SH3PXD2B: variants seen among roughly 807,000 people sequenced by gnomAD.
SH3PXD2B encodes the protein SH3 and PX domain-containing protein 2B.
SH3PXD2B carries 37 observed loss-of-function variants against 73.1 expected under a neutral mutation model. That is an observed-to-expected ratio of 0.51 (90% CI 0.39 to 0.67). The LOEUF (loss-of-function observed/expected upper bound fraction) is 0.67, where lower values mean the gene tolerates loss of function less well. Ranked by LOEUF, SH3PXD2B falls within the 30% of genes least tolerant of loss-of-function variation. The pLI, the probability that SH3PXD2B is intolerant of heterozygous loss-of-function variation, is 0.00. For synonymous variants in SH3PXD2B, 457 were observed against 480.5 expected, an observed-to-expected ratio of 0.95 and a Z score of 0.64; for missense variants, 1,053 against 1,197.8, an observed-to-expected ratio of 0.88 and a Z score of 1.78.
At chr5:172,348,642 C>CTTATCT (rs1757056916) in intron 10 of SH3PXD2B, among the ~76,000 whole-genome samples, 5 of 67,502 alleles carry the variant, frequency 7.4e-5, no homozygotes, top group South Asian at 8.1e-4. Context: ...ATCTATGTAT[C>CTTATCT]TATCTATCTA....
At chr5:172,443,358 A>G (rs950381071) in intron 1 of SH3PXD2B, among the ~76,000 whole-genome samples, 22 of 152,226 alleles carry the variant, frequency 1.4e-4, no homozygotes, top group Non-Finnish European at 2.2e-4. Context: ...AGTGAAAATT[A>G]AGATTTAATT....
chr5:172,331,649 G>A (rs141667791), downstream of SH3PXD2B, among the ~76,000 whole-genome samples: 289 of 152,256 alleles, frequency 1.9e-3, 3 homozygotes, highest in African/African-American at 6.6e-3. Flanking sequence ...CATGTTTGGC[G>A]TGGTTAAAAC....
At chr5:172,355,544 TTTTC>T (rs1259482688) in intron 8 of SH3PXD2B, among the ~76,000 whole-genome samples, 3 of 93,958 alleles carry the variant, frequency 3.2e-5, no homozygotes, top group Admixed American at 9.8e-5. Context: ...ATGGATTTTC[TTTTC>T]TTTTTTTTTT....
chr5:172,427,258 G>T lies in SH3PXD2B; in HGVS notation c.76-4762C>A, dbSNP rs146012971. Among the ~76,000 whole-genome samples, 195 of 152,328 alleles carry T rather than the reference G, an allele frequency of 1.3e-3. 1 individual carries two copies. Among genetic ancestry groups the T allele is most frequent in the African/African-American group, 4.5e-3 (187 of 41,582 alleles). On this transcript the variant is annotated intron_variant, in intron 1 of 12. Coordinates refer to ENST00000311601, the MANE Select transcript of SH3PXD2B (RefSeq NM_001017995.3). ...AGCCGGTCACAATAGAACAAATACT[G>T]TATGATTACAGGAGGTACCTGGAGT... is the stretch of plus-strand genomic sequence containing the variant.
Position 172,335,785 on chromosome 5 carries a change from T to C in SH3PXD2B, c.*2584A>G. On this transcript the variant is annotated 3_prime_UTR_variant, in exon 13 of 13. Coordinates refer to ENST00000311601, the MANE Select transcript of SH3PXD2B (RefSeq NM_001017995.3). Reference sequence around the variant, plus strand: ...TGACTGGCCACCCTGACCCACCCACTGCCTGGGGAAGTGTCTACCATTGTA... The same window carrying C: ...TGACTGGCCACCCTGACCCACCCACCGCCTGGGGAAGTGTCTACCATTGTA... 18 of 1,230,246 alleles carry C rather than the reference T, an allele frequency of 1.5e-5. No homozygotes were observed. The highest frequency in any genetic ancestry group is 1.8e-5 in the Non-Finnish European group (18 of 987,578). 76.2% of individuals were successfully genotyped at this position (1,230,246 alleles called of 1,614,324 possible).
At chr5:172,443,953 CCTTT>C (rs769911348) in intron 1 of SH3PXD2B, among the ~76,000 whole-genome samples, 9 of 152,378 alleles carry the variant, frequency 5.9e-5, no homozygotes, top group East Asian at 5.8e-4. Flanking sequence ...AACTGCTTCA[CCTTT>C]CTAAGCCTCA....
intron 4 of SH3PXD2B, among the ~76,000 whole-genome samples, chr5:172,386,747 C>T (rs1758068488): frequency 6.6e-6 from 1 of 152,104 alleles, no homozygotes; most frequent in Non-Finnish European, 1.5e-5. Flanking sequence ...CCCACCTCAG[C>T]CTCCTGAGTA....
chr5:172,325,296 C>T, exon 13 of SH3PXD2B: 3 of 1,535,080 alleles, frequency 2.0e-6, no homozygotes, highest in Non-Finnish European at 2.6e-6. Flanking sequence ...ATGGAAGCTG[C>T]CACGTGCTTC....
At chr5:172,367,931 A>G (rs1310741272) in intron 6 of SH3PXD2B, among the ~76,000 whole-genome samples, 9 of 152,182 alleles carry the variant, frequency 5.9e-5, no homozygotes, top group Admixed American at 5.9e-4. Flanking sequence ...TGAACAATCT[A>G]TCACTCCTGG....
Position 172,339,790 on chromosome 5 carries a change from G to A in SH3PXD2B, c.1315C>T (p.Pro439Ser). ...SNASRPNFLAPLPHEVTQLRL... is the reference protein window; with the variant it reads ...SNASRPNFLASLPHEVTQLRL... ...AGCTGGGTCACCTCGTGGGGCAGGG[G>A]AGCCAGAAAGTTGGGTCTCGACGCG... Residue 439 changes from proline to serine, a missense_variant, in exon 13 of 13, where the codon CCC (proline) becomes TCC (serine). Around this residue, in one of 2 missense-constraint regions of SH3PXD2B, gnomAD observed 466 missense variants for 607.1 expected, o/e 0.77. Transcript: ENST00000311601. This position sits in a 1 kb window ranked among gnomAD's most constrained non-coding sequence, Gnocchi z 6.1. 16 of 1,613,270 alleles carry A rather than the reference G, an allele frequency of 9.9e-6. No individual in the cohort carries two copies. The highest frequency in any genetic ancestry group is 1.3e-5 in the Non-Finnish European group (15 of 1,179,214).
chr5:172,365,838 C>CTA (rs1335549403), intron 6 of SH3PXD2B, among the ~76,000 whole-genome samples: 1 of 147,160 alleles, frequency 6.8e-6, no homozygotes, highest in Non-Finnish European at 1.5e-5. Flanking sequence ...AGATTCTTGA[C>CTA]TACCTGTGTC....
intron 12 of SH3PXD2B, among the ~76,000 whole-genome samples, chr5:172,345,110 AAGGGAAGGAAGG>A (rs796850536): frequency 2.1e-5 from 3 of 140,256 alleles, no homozygotes; most frequent in African/African-American, 3.0e-5. Flanking sequence ...GGGAAGGAAG[AAGGGAAGGAAGG>A]AGGGAAGGAA....
At chr5:172,450,340 G>A (rs538734087) in intron 1 of SH3PXD2B, among the ~76,000 whole-genome samples, 1 of 152,142 alleles carries the variant, frequency 6.6e-6, no homozygotes, top group East Asian at 1.9e-4. Context: ...GAGGGCGTCC[G>A]GGGGGTTTGC....
At chr5:172,377,305 G>A (rs1222580114) in intron 5 of SH3PXD2B, among the ~76,000 whole-genome samples, 2 of 152,294 alleles carry the variant, frequency 1.3e-5, no homozygotes, top group African/African-American at 2.4e-5. Flanking sequence ...TCCATGTCAA[G>A]CCCTAACATG....
intron 1 of SH3PXD2B, among the ~76,000 whole-genome samples, chr5:172,425,745 G>A (rs1421143066): frequency 6.6e-6 from 1 of 152,036 alleles, no homozygotes; most frequent in Non-Finnish European, 1.5e-5. Context: ...CAGGGTACAC[G>A]TTTAAAAATA....
At chr5:172,329,788 C>A (rs564146231), downstream of SH3PXD2B, among the ~76,000 whole-genome samples, 4 of 152,112 alleles carry the variant, frequency 2.6e-5, no homozygotes, top group South Asian at 2.1e-4. Context: ...CCGCCCGCCT[C>A]GGCCTCCCAA....
At chr5:172,382,247 C>T (rs1561914964) in intron 4 of SH3PXD2B, 120 bp from the exon 5 acceptor site, 2 of 787,420 alleles carry the variant, frequency 2.5e-6, no homozygotes, top group Non-Finnish European at 2.0e-6. Flanking sequence ...ACCTGGGAGG[C>T]GGAGGTTGCA....
chr5:172,371,011 G>A (rs1260167423), intron 6 of SH3PXD2B, among the ~76,000 whole-genome samples: 1 of 152,218 alleles, frequency 6.6e-6, no homozygotes, highest in Non-Finnish European at 1.5e-5. Flanking sequence ...AAATATGAGA[G>A]AAGAGGGGAT....
chr5:172,331,714 G>A (rs1013012813), downstream of SH3PXD2B, among the ~76,000 whole-genome samples: 1 of 152,206 alleles, frequency 6.6e-6, no homozygotes, highest in African/African-American at 2.4e-5. Flanking sequence ...CACTTTGGGA[G>A]GCCAAGGCGG....
Sources: allele counts gnomAD v4.1 joint callset (sites outside exome capture counted in the v4.1 genomes callset), GRCh38; gene constraint gnomAD v4.1.1; regional missense constraint gnomAD v4.1.1; non-coding constraint Gnocchi (gnomAD v3.1); transcripts MANE v1.5; gene names NCBI Gene and HGNC (gene_info 2026-07-23, HGNC 2026-07-21).